The following CYP3A4 variants were observed in gnomAD, a reference collection of about 807,000 sequenced individuals.
The protein encoded by CYP3A4 is cytochrome P450 3A4.
A neutral mutation model predicts 54.9 loss-of-function variants in CYP3A4; 41 were observed. The observed-to-expected ratio is 0.75, with a 90% CI of 0.58 to 0.97. The LOEUF is 0.97. CYP3A4 is among the 50% of genes least tolerant of loss of function. The pLI is 0.00. For missense variants in CYP3A4, 510 were observed against 597.3 expected, an observed-to-expected ratio of 0.85 and a Z score of 1.52; for synonymous variants, 179 against 205.2, an observed-to-expected ratio of 0.87 and a Z score of 1.09.
At chr7:99,775,376 A>G (rs879932415) in intron 3 of CYP3A4, among the ~76,000 whole-genome samples, 2 of 152,198 alleles carry the variant, frequency 1.3e-5, no homozygotes, top group East Asian at 1.9e-4. Context: ...AAGAGCCCAC[A>G]TAGACAAGAC....
intron 1 of CYP3A4, among the ~76,000 whole-genome samples, chr7:99,780,893 T>A (rs1815905701): frequency 1.3e-5 from 2 of 152,234 alleles, no homozygotes; most frequent in Admixed American, 6.5e-5. Context: ...AGGTCATTCC[T>A]CCTCTTGTGG....
chr7:99,762,681 TGAG>T (rs1815371376), intron 10 of CYP3A4, among the ~76,000 whole-genome samples: 1 of 152,124 alleles, frequency 6.6e-6, no homozygotes, highest in Admixed American at 6.5e-5. Flanking sequence ...ATAAATAATT[TGAG>T]GATAAACTAG....
chr7:99,777,422 A>G (rs1328819523), intron 3 of CYP3A4, among the ~76,000 whole-genome samples: 6 of 152,092 alleles, frequency 3.9e-5, no homozygotes, highest in African/African-American at 1.2e-4. Flanking sequence ...CAACCTTCGA[A>G]AAGTTTTACA....
At chr7:99,766,348 C>T in intron 9 of CYP3A4, 29 bp downstream of exon 9, 4 of 1,611,378 alleles carry the variant, frequency 2.5e-6, no homozygotes, top group Non-Finnish European at 3.4e-6. Context: ...GAGTGCCCCA[C>T]AAGTAGCCCT....
In CYP3A4 at chr7:99,778,053, G is replaced by T; in HGVS notation, c.193C>A (p.His65Asn). ...CCCCACACTTTTCCATACTTTTTATGACATTCCATGTCAAACATACAAAAG... is the reference window on the plus strand; with the variant it reads ...CCCCACACTTTTCCATACTTTTTATTACATTCCATGTCAAACATACAAAAG... ...KGFCMFDMEC[H>N]KKYGKVWGFY... The change falls in exon 3 of 13, where the codon CAT becomes AAT. Residue 65 changes from histidine (H) to asparagine (N), a missense_variant. Physicochemically the swap from His to Asn is moderately conservative, Grantham distance 68 (BLOSUM62 1). Around this residue, in one of 2 missense-constraint regions of CYP3A4, gnomAD observed 272 missense variants for 274.9 expected, o/e 0.99. Coordinates refer to ENST00000651514, the MANE Select transcript of CYP3A4 (RefSeq NM_017460.6). The T allele has an allele frequency of 6.2e-7, 1 of 1,612,678 alleles. No homozygotes were observed. The highest frequency in any genetic ancestry group is 2.2e-5 in the East Asian group (1 of 44,824).
At chr7:99,760,199 C>T (rs1815284097) in intron 12 of CYP3A4, among the ~76,000 whole-genome samples, 1 of 152,158 alleles carries the variant, frequency 6.6e-6, no homozygotes, top group South Asian at 2.1e-4. Flanking sequence ...AGCTAGGCAC[C>T]TGGAAGGTGA....
chr7:99,767,138 G>A lies in CYP3A4; in HGVS notation c.791C>T (p.Thr264Ile). 3 of 1,608,014 alleles carry A rather than the reference G, an allele frequency of 1.9e-6. No homozygotes were observed. Among genetic ancestry groups the A allele is most frequent in the Non-Finnish European group, 1.7e-6 (2 of 1,177,892 alleles). The change falls in exon 8 of 13, where the codon ACA becomes ATA. Residue 264 changes from threonine (T) to isoleucine (I), a missense_variant. Thr to Ile is a moderately conservative substitution (Grantham distance 89). Coordinates refer to ENST00000651514, the MANE Select transcript of CYP3A4 (RefSeq NM_017460.6). Reference protein sequence around the residue: ...KRMKESRLEDTQKHRVDFLQL... With the variant: ...KRMKESRLEDIQKHRVDFLQL... Reference sequence around the variant, plus strand: ...ACTACCACCACATTTTACCTTTTGTGTATCTTCGAGGCGACTTTCTTTCAT... The same window carrying A: ...ACTACCACCACATTTTACCTTTTGTATATCTTCGAGGCGACTTTCTTTCAT...
At chr7:99,769,608 C>T (rs529652638) in intron 6 of CYP3A4, 160 bp downstream of exon 6, 11 of 659,840 alleles carry the variant, frequency 1.7e-5, no homozygotes, top group South Asian at 7.5e-5. Flanking sequence ...ACCTCCTCAT[C>T]GGAGCTGCCC....
At chr7:99,779,109 C>T (rs1815848504) in intron 2 of CYP3A4, among the ~76,000 whole-genome samples, 1 of 152,110 alleles carries the variant, frequency 6.6e-6, no homozygotes, top group Non-Finnish European at 1.5e-5. Context: ...CACAAAGGCT[C>T]GGCCAAAGTT....
chr7:99,769,710 G>GGGTT, intron 6 of CYP3A4, 58 bp downstream of exon 6: 1 of 1,595,522 alleles, frequency 6.3e-7, no homozygotes. Context: ...CAGCTCCATG[G>GGGTT]CAGGCAGCTG....
Position 99,784,145 on chromosome 7 carries a change from T to C in CYP3A4, c.-64A>G. ...CTTTCAGCTCTGTGTTGCTCTTTGC[T>C]GGGCTATGTGCATGGAGCTTTCCTG... On this transcript the variant is annotated 5_prime_UTR_variant, in exon 1 of 13. Transcript: ENST00000651514. The C allele has an allele frequency of 2.7e-6, 4 of 1,474,784 alleles. No homozygotes were observed. Among genetic ancestry groups the C allele is most frequent in the Non-Finnish European group, 3.8e-6 (4 of 1,054,436 alleles). 91.4% of individuals were successfully genotyped at this position (1,474,784 alleles called of 1,614,324 possible).
rs1438008075 is a variant in CYP3A4, at chr7:99,768,338, ATAG to A, written c.670+13_670+15del. On this transcript the variant is annotated intron_variant, in intron 7 of 12. Coordinates refer to ENST00000651514, the MANE Select transcript of CYP3A4 (RefSeq NM_017460.6). ...AAGAGAGCAAGATAAATAAAAGGAA[ATAG>A]TAGTCCACATACTTATTGAGAGAAA... 6.2e-7 allele frequency: 1 copy of A among 1,609,704 alleles called. No individual in the cohort carries two copies. Among genetic ancestry groups the A allele is most frequent in the African/African-American group, 1.3e-5 (1 of 74,782 alleles).
At chr7:99,781,808 C>G (rs1334300032) in intron 1 of CYP3A4, among the ~76,000 whole-genome samples, 2 of 152,206 alleles carry the variant, frequency 1.3e-5, no homozygotes, top group Non-Finnish European at 2.9e-5. Flanking sequence ...ATGTAGTATT[C>G]CACATAAGTA....
rs1815867363 is a variant in CYP3A4 at position 99,779,759 on chromosome 7, G to A, written c.165+233C>T. On this transcript the variant is annotated intron_variant, in intron 2 of 12. Coordinates refer to ENST00000651514, the MANE Select transcript of CYP3A4 (RefSeq NM_017460.6). ...TTTGCACATCAAGTTCTGAGCATCA[G>A]GTTGCTGATCTACCTGAGATTTGGG... Among the ~76,000 whole-genome samples, 3 of 152,180 alleles carry A rather than the reference G, an allele frequency of 2.0e-5. No individual in the cohort carries two copies. The South Asian group carries it at 6.2e-4, about 32-fold the overall frequency.
At chr7:99,781,220 T>C (rs1464472932) in intron 1 of CYP3A4, among the ~76,000 whole-genome samples, 1 of 152,214 alleles carries the variant, frequency 6.6e-6, no homozygotes, top group African/African-American at 2.4e-5. Context: ...GCCATGATTG[T>C]AAATTTCCTG....
intron 4 of CYP3A4, among the ~76,000 whole-genome samples, chr7:99,770,855 A>G (rs1375687333): frequency 6.6e-6 from 1 of 152,238 alleles, no homozygotes; most frequent in African/African-American, 2.4e-5. Context: ...GAACTGGCCT[A>G]TCAAGCCAAC....
At chr7:99,761,040 ATG>A in intron 11 of CYP3A4, 59 bp from the exon 12 acceptor site, 1 of 1,568,168 alleles carries the variant, frequency 6.4e-7, no homozygotes, top group Non-Finnish European at 8.7e-7. Flanking sequence ...TAAGAGTTAC[ATG>A]TTAGGGTTTC....
At chr7:99,777,123 C>A (rs899027730) in intron 3 of CYP3A4, among the ~76,000 whole-genome samples, 1 of 152,050 alleles carries the variant, frequency 6.6e-6, no homozygotes, top group Admixed American at 6.6e-5. Context: ...ACTTTAAATC[C>A]AAAGTCTAAA....
chr7:99,759,215 A>G (rs937288625), intron 12 of CYP3A4, among the ~76,000 whole-genome samples: 3 of 152,212 alleles, frequency 2.0e-5, no homozygotes, highest in Non-Finnish European at 4.4e-5. Flanking sequence ...TAGAAAGCCT[A>G]CTTAAGGGGT....
Sources: allele counts gnomAD v4.1 joint callset (sites outside exome capture counted in the v4.1 genomes callset), GRCh38; gene constraint gnomAD v4.1.1; regional missense constraint gnomAD v4.1.1; transcripts MANE v1.5; gene names NCBI Gene and HGNC (gene_info 2026-07-23, HGNC 2026-07-21).